Variants in DACH1 observed in about 807,000 individuals in gnomAD.
DACH1 encodes dachshund homolog 1.
In DACH1, 12 loss-of-function variants were observed where a neutral mutation model predicts 54.2. That is an observed-to-expected ratio of 0.22 (90% CI 0.14 to 0.36). The LOEUF is 0.36. Ranked by LOEUF, DACH1 falls within the 10% of genes least tolerant of loss-of-function variation. The probability of loss-of-function intolerance (pLI) is 1.00; values close to 1 mark genes in which losing one functional copy is unlikely to be tolerated. For synonymous variants in DACH1, 386 were observed against 366.2 expected, an observed-to-expected ratio of 1.05 and a Z score of -0.62; for missense variants, 805 against 929.8, an observed-to-expected ratio of 0.87 and a Z score of 1.75.
chr13:71,766,132 C>T (rs897372246), intron 1 of DACH1, among the ~76,000 whole-genome samples: 9 of 152,154 alleles, frequency 5.9e-5, no homozygotes, highest in Admixed American at 2.0e-4. Context: ...GTGATCCGTC[C>T]GCCTCGGCCT....
intron 6 of DACH1, among the ~76,000 whole-genome samples, chr13:71,551,660 G>T (rs982009845): frequency 2.6e-5 from 4 of 152,052 alleles, no homozygotes; most frequent in Non-Finnish European, 5.9e-5. Context: ...TTTAAACAAT[G>T]AGAACTGCAC....
At chr13:71,784,994 A>G (rs1886533114) in intron 1 of DACH1, among the ~76,000 whole-genome samples, 1 of 152,192 alleles carries the variant, frequency 6.6e-6, no homozygotes, top group Non-Finnish European at 1.5e-5. Flanking sequence ...TCTAAGAAGT[A>G]CACATATAAA....
At chr13:71,526,922 C>T (rs964894719) in intron 6 of DACH1, among the ~76,000 whole-genome samples, 14 of 151,588 alleles carry the variant, frequency 9.2e-5, no homozygotes, top group Admixed American at 9.2e-4. Flanking sequence ...GCCCTAGGCT[C>T]AGTTCTTCGT....
intron 6 of DACH1, among the ~76,000 whole-genome samples, chr13:71,500,079 T>TA (rs1349373929): frequency 6.6e-6 from 1 of 152,112 alleles, no homozygotes; most frequent in Non-Finnish European, 1.5e-5. Flanking sequence ...GGGGTGGAGT[T>TA]ACTCTAATTT....
At chr13:71,553,940 G>GTT (rs2138367577) in intron 6 of DACH1, among the ~76,000 whole-genome samples, 1 of 151,896 alleles carries the variant, frequency 6.6e-6, no homozygotes, top group East Asian at 1.9e-4. Context: ...TGGAATCAGT[G>GTT]TTTTCTAAAG....
intron 1 of DACH1, among the ~76,000 whole-genome samples, chr13:71,726,651 T>A (rs565257554): frequency 8.0e-4 from 122 of 152,184 alleles, no homozygotes; most frequent in African/African-American, 2.8e-3. Flanking sequence ...ACAAGTCTCC[T>A]TATTAAATAT....
At chr13:71,839,232 T>A (rs913060314) in intron 1 of DACH1, among the ~76,000 whole-genome samples, 1 of 152,142 alleles carries the variant, frequency 6.6e-6, no homozygotes, top group Non-Finnish European at 1.5e-5. Flanking sequence ...AGAGAAAAAA[T>A]CAGTGCTTTT....
intron 3 of DACH1, among the ~76,000 whole-genome samples, chr13:71,622,672 A>G (rs890809476): frequency 6.6e-5 from 10 of 151,846 alleles, no homozygotes; most frequent in African/African-American, 2.2e-4. Flanking sequence ...AAACATATTC[A>G]TCCTCCTGGA....
chr13:71,688,131 C>G (rs925779314), intron 1 of DACH1, among the ~76,000 whole-genome samples: 18 of 152,128 alleles, frequency 1.2e-4, no homozygotes, highest in African/African-American at 4.3e-4. Context: ...AAAATATTAT[C>G]CTTGTGAGAA....
intron 10 of DACH1, among the ~76,000 whole-genome samples, chr13:71,457,268 A>AT (rs1461718527): frequency 6.6e-6 from 1 of 151,992 alleles, no homozygotes; most frequent in Non-Finnish European, 1.5e-5. Flanking sequence ...ATATTGCCAT[A>AT]TGGAACAATA....
chr13:71,579,101 T>C (rs948483828), intron 3 of DACH1, among the ~76,000 whole-genome samples: 2 of 152,152 alleles, frequency 1.3e-5, no homozygotes, highest in African/African-American at 4.8e-5. Context: ...TAATTAGGAA[T>C]GTGAAACTCT....
intron 3 of DACH1, among the ~76,000 whole-genome samples, chr13:71,575,581 ATAT>A (rs564625354): frequency 2.7e-4 from 41 of 152,198 alleles, no homozygotes; most frequent in African/African-American, 9.1e-4. Context: ...AAGGTACAAA[ATAT>A]TATCTTAAAA....
intron 2 of DACH1, among the ~76,000 whole-genome samples, chr13:71,635,566 T>C (rs1471181698): frequency 6.6e-6 from 1 of 152,152 alleles, no homozygotes; most frequent in Non-Finnish European, 1.5e-5. Context: ...ATAGAGAATA[T>C]AAACTATAAC....
At chr13:71,791,736 A>T (rs1274007079) in intron 1 of DACH1, among the ~76,000 whole-genome samples, 1 of 152,208 alleles carries the variant, frequency 6.6e-6, no homozygotes, top group Admixed American at 6.5e-5. Flanking sequence ...ATTCACAGTT[A>T]AATGGGATTA....
intron 8 of DACH1, among the ~76,000 whole-genome samples, chr13:71,477,014 T>C (rs1298383539): frequency 6.9e-6 from 1 of 144,760 alleles, no homozygotes; most frequent in Non-Finnish European, 1.5e-5. Flanking sequence ...AATCAAATTA[T>C]AAAATAATAA....
chr13:71,659,090 T>A (rs994696263), intron 2 of DACH1, among the ~76,000 whole-genome samples: 3 of 152,034 alleles, frequency 2.0e-5, no homozygotes, highest in African/African-American at 7.2e-5. Context: ...CCTCTTTGTA[T>A]AATCAAAAAT....
intron 1 of DACH1, among the ~76,000 whole-genome samples, chr13:71,718,648 A>C (rs1470851163): frequency 6.6e-6 from 1 of 151,830 alleles, no homozygotes; most frequent in Non-Finnish European, 1.5e-5. Flanking sequence ...AGAGCTAGAT[A>C]ACTTACTCAG....
chr13:71,590,740 AAC>A (rs1873641415), intron 3 of DACH1, among the ~76,000 whole-genome samples: 1 of 152,156 alleles, frequency 6.6e-6, no homozygotes, highest in African/African-American at 2.4e-5. Context: ...TTTAAAAATC[AAC>A]AGAGATTTTG....
At chr13:71,795,233 T>C (rs764959417) in intron 1 of DACH1, among the ~76,000 whole-genome samples, 33 of 152,202 alleles carry the variant, frequency 2.2e-4, no homozygotes, top group Admixed American at 5.9e-4. Context: ...ATGACACTAA[T>C]GGGCCTCAAG....
Sources: allele counts gnomAD v4.1 joint callset (sites outside exome capture counted in the v4.1 genomes callset), GRCh38; gene constraint gnomAD v4.1.1; transcripts MANE v1.5; gene names NCBI Gene and HGNC (gene_info 2026-07-23, HGNC 2026-07-21).